Variants in CCM2L observed in about 807,000 individuals in gnomAD.
CCM2L encodes CCM2 like scaffold protein.
A neutral mutation model predicts 54.1 loss-of-function variants in CCM2L; 36 were observed. The observed-to-expected ratio is 0.67, with a 90% CI of 0.51 to 0.88. CCM2L has a LOEUF of 0.88. Among genes scored for constraint, CCM2L ranks in the 40% least tolerant of loss-of-function variants. The pLI, the probability that CCM2L is intolerant of heterozygous loss-of-function variation, is 0.00. For missense variants in CCM2L, 700 were observed against 812.1 expected (o/e 0.86, Z 1.68); for synonymous variants, 351 against 359.3 (o/e 0.98, Z 0.26).
intron 2 of CCM2L, 109 bp downstream of exon 2, chr20:32,015,180 T>TAA (rs944433963): frequency 5.9e-6 from 7 of 1,188,674 alleles, no homozygotes; most frequent in Middle Eastern, 2.3e-4. Context: ...AAGTTGTGGC[T>TAA]CATTGGAAAG....
intron 2 of CCM2L, 91 bp from the exon 3 acceptor site, chr20:32,017,709 C>A: frequency 1.0e-6 from 1 of 982,912 alleles, no homozygotes; most frequent in Non-Finnish European, 1.6e-6. Flanking sequence ...CTATCTCAAT[C>A]TATCCGCACT....
chr20:32,021,561 T>A (rs2122345921), intron 5 of CCM2L, among the ~76,000 whole-genome samples: 1 of 151,908 alleles, frequency 6.6e-6, no homozygotes, highest in South Asian at 2.1e-4. Flanking sequence ...GAGGCTGAGG[T>A]GGGAGGATCA....
At chr20:32,018,332 T>C (rs925842245) in intron 4 of CCM2L, among the ~76,000 whole-genome samples, 170 bp downstream of exon 4, 21 of 151,716 alleles carry the variant, frequency 1.4e-4, no homozygotes, top group African/African-American at 5.1e-4. Flanking sequence ...CATACTACCC[T>C]GAGACTAGGG....
chr20:32,015,621 A>T (rs1299262836), intron 2 of CCM2L, among the ~76,000 whole-genome samples: 3 of 152,218 alleles, frequency 2.0e-5, no homozygotes, highest in African/African-American at 7.2e-5. Context: ...TAAGGTTGTG[A>T]TGGCCTTTGT....
chr20:32,031,377 GACCCTATCCCCAGGGCCCCCCCATC>G lies in CCM2L; in HGVS notation c.*66_*90del. ...CTCTGAGTCTCAGCTTTGCTTCGGG[GACCCTATCCCCAGGGCCCCCCCATC>G]ACACCTGGCGGGGCCGGGGGGTCTT... On this transcript the variant is annotated 3_prime_UTR_variant, in exon 10 of 10. Coordinates refer to ENST00000452892, the MANE Select transcript of CCM2L (RefSeq NM_001365692.1). 1 of 1,201,728 alleles carries G rather than the reference GACCCTATCCCCAGGGCCCCCCCATC, an allele frequency of 8.3e-7. No individual in the cohort carries two copies. The highest frequency in any genetic ancestry group is 1.1e-6 in the Non-Finnish European group (1 of 944,894). The allele number at this position is 1,201,728 out of a possible 1,614,324, so 74.4% of individuals were successfully genotyped here.
At chr20:32,029,928 C>A in intron 9 of CCM2L, 90 bp downstream of exon 9, 1 of 1,382,864 alleles carries the variant, frequency 7.2e-7, no homozygotes, top group South Asian at 1.6e-5. Context: ...AATGTTTTCT[C>A]CTTATCTTTC....
In CCM2L at chr20:32,017,995, C is replaced by G. The variant is rs2064755046; in HGVS notation, c.299C>G (p.Pro100Arg). 6.2e-7 allele frequency: 1 copy of G among 1,613,610 alleles called. No individual in the cohort carries two copies. The highest frequency in any genetic ancestry group is 8.5e-7 in the Non-Finnish European group (1 of 1,179,934). Reference sequence around the variant, plus strand: ...TCCCTGCAGCAGCTGAAGGAGCTGCCGCTGAAGACCACGGCGGAGCAGGAC... The same window carrying G: ...TCCCTGCAGCAGCTGAAGGAGCTGCGGCTGAAGACCACGGCGGAGCAGGAC... ...LDTARQLKEL[P>R]LKTTAEQDSI... The change falls in exon 4 of 10, where the codon CCG becomes CGG. Residue 100 changes from proline (P) to arginine (R), a missense_variant. Coordinates refer to ENST00000452892, the MANE Select transcript of CCM2L (RefSeq NM_001365692.1).
chr20:32,019,291 C>G lies in CCM2L; in HGVS notation c.815C>G (p.Ala272Gly). 2.2e-5 allele frequency: 28 copies of G among 1,274,780 alleles called. No homozygotes were observed. The highest frequency in any genetic ancestry group is 2.7e-5 in the Non-Finnish European group (27 of 1,010,744). 79.0% of individuals were successfully genotyped at this position (1,274,780 alleles called of 1,614,324 possible). A position where few individuals can be genotyped will look rare whatever the true frequency, so the allele number is the denominator to read the frequency against. ...KPGGSWERRQAGSGGGGSWER... is the reference protein window; with the variant it reads ...KPGGSWERRQGGSGGGGSWER... Reference sequence around the variant, plus strand: ...GGCGGTAGCTGGGAGCGGAGGCAGGCGGGCAGCGGCGGGGGAGGCAGCTGG... The same window carrying G: ...GGCGGTAGCTGGGAGCGGAGGCAGGGGGGCAGCGGCGGGGGAGGCAGCTGG... The change falls in exon 5 of 10, where the codon GCG becomes GGG. Residue 272 changes from alanine to glycine, a missense_variant. Ala to Gly is a moderately conservative substitution (Grantham distance 60). Transcript: ENST00000452892.
chr20:32,031,798 A>G lies in CCM2L; in HGVS notation c.*484A>G, dbSNP rs1171999250. 2 of 161,894 alleles carry G rather than the reference A, an allele frequency of 1.2e-5. No homozygotes were observed. The highest frequency in any genetic ancestry group is 4.8e-5 in the African/African-American group (2 of 41,502). The allele number at this position is 161,894 out of a possible 1,614,324, so 10.0% of individuals were successfully genotyped here. On this transcript the variant is annotated 3_prime_UTR_variant, in exon 10 of 10. Transcript: ENST00000452892. The stretch of plus-strand genomic sequence containing the variant: ...GAGGGAATCTCCTGATTCTCCTTAT[A>G]TGACCTCAAACTGACCATACTAAAC...
In CCM2L at chr20:32,031,234, CCCGATGACGACGA is replaced by C; in HGVS notation, c.1638_1650del (p.Asp547ThrfsTer36). 7.7e-7 allele frequency: 1 copy of C among 1,298,952 alleles called. No individual in the cohort carries two copies. Among genetic ancestry groups the C allele is most frequent in the Non-Finnish European group, 1.0e-6 (1 of 988,498 alleles). 80.5% of individuals were successfully genotyped at this position (1,298,952 alleles called of 1,614,324 possible). On this transcript the variant is annotated frameshift_variant, in exon 10 of 10. Transcript: ENST00000452892. LOFTEE classifies it low-confidence loss of function (END_TRUNC). The stretch of plus-strand genomic sequence containing the variant: ...CACGCACGACATCGAGGCGCTGGCC[CCCGATGACGACGA>C]CGACGACGAGGATGAGCCCCGGGGC...
In CCM2L at chr20:32,022,940, TGA is replaced by T. The variant is rs2064819808; in HGVS notation, c.1069+146_1069+147del. 3 of 887,660 alleles carry T rather than the reference TGA, an allele frequency of 3.4e-6. No homozygotes were observed. In the South Asian group the frequency reaches 5.9e-5, roughly 18 times the overall value. The allele number at this position is 887,660 out of a possible 1,614,324, so 55.0% of individuals were successfully genotyped here. The stretch of plus-strand genomic sequence containing the variant: ...TTACAGTGTACCCCACAATTGTAGG[TGA>T]AATGTCAATTTTCTTTTTCTTTTTC... On this transcript the variant is annotated intron_variant, in intron 6 of 9. Transcript: ENST00000452892.
At chr20:32,011,414 G>A (rs987586706) in intron 1 of CCM2L, among the ~76,000 whole-genome samples, 1 of 152,110 alleles carries the variant, frequency 6.6e-6, no homozygotes, top group Non-Finnish European at 1.5e-5. Flanking sequence ...AGACCAGCCA[G>A]GCCAACATGG....
intron 4 of CCM2L, 57 bp downstream of exon 4, chr20:32,018,219 CGGGGGCG>C (rs2064760068): frequency 1.1e-4 from 1 of 9,202 alleles, no homozygotes; most frequent in African/African-American, 7.0e-4. Context: ...GGGGGAGGGG[CGGGGGCG>C]GGGGCGGGGC....
Position 32,014,931 on chromosome 20 carries a change from G to C in CCM2L, c.58G>C (p.Val20Leu), listed in dbSNP as rs771005086. Reference sequence around the variant, plus strand: ...CTTTGTATCCCCCATCCGAAGGCTGGTGTTCCCCAAGGCCGGGCGCCGGGC... The same window carrying C: ...CTTTGTATCCCCCATCCGAAGGCTGCTGTTCCCCAAGGCCGGGCGCCGGGC... The part of the protein sequence containing the change: ...KGFVSPIRRL[V>L]FPKAGRRAAC... The change falls in exon 2 of 10, where the codon GTG becomes CTG. Residue 20 changes from valine to leucine, a missense_variant. Physicochemically the swap from Val to Leu is conservative, Grantham distance 32. Transcript: ENST00000452892. The C allele has an allele frequency of 6.2e-7, 1 of 1,601,008 alleles. No individual in the cohort carries two copies. The highest frequency in any genetic ancestry group is 8.5e-7 in the Non-Finnish European group (1 of 1,173,866).
chr20:32,031,416 C>G lies in CCM2L; in HGVS notation c.*102C>G, dbSNP rs994484157. 2.9e-6 allele frequency: 3 copies of G among 1,018,502 alleles called. No homozygotes were observed. Among genetic ancestry groups the G allele is most frequent in the Non-Finnish European group, 3.8e-6 (3 of 786,166 alleles). 63.1% of individuals were successfully genotyped at this position (1,018,502 alleles called of 1,614,324 possible). On this transcript the variant is annotated 3_prime_UTR_variant, in exon 10 of 10. Transcript: ENST00000452892. The stretch of plus-strand genomic sequence containing the variant: ...GGCCCCCCCATCACACCTGGCGGGG[C>G]CGGGGGGTCTTCACTCCAGGGTCTC...
chr20:32,029,570 A>C, intron 8 of CCM2L, 130 bp from the exon 9 acceptor site: 1 of 1,184,244 alleles, frequency 8.4e-7, no homozygotes, highest in Non-Finnish European at 1.1e-6. Context: ...TGTCCTCTGA[A>C]TAGCCCATGG....
chr20:32,023,418 C>CT (rs2122352277), intron 6 of CCM2L, among the ~76,000 whole-genome samples: 1 of 152,368 alleles, frequency 6.6e-6, no homozygotes, highest in Non-Finnish European at 1.5e-5. Flanking sequence ...GTATTGTCTG[C>CT]TTACTGAGCC....
In CCM2L at chr20:32,031,137, C is replaced by T. The variant is rs1437640520; in HGVS notation, c.1539C>T (p.Ser513=). The T allele has an allele frequency of 4.6e-6, 6 of 1,303,984 alleles. No individual in the cohort carries two copies. The highest frequency in any genetic ancestry group is 2.3e-5 in the Admixed American group (1 of 43,560). 80.8% of individuals were successfully genotyped at this position (1,303,984 alleles called of 1,614,324 possible). A position where few individuals can be genotyped will look rare whatever the true frequency, so the allele number is the denominator to read the frequency against. The change falls in exon 10 of 10, where the codon TCC becomes TCT. Residue 513 remains serine, a synonymous_variant. Coordinates refer to ENST00000452892, the MANE Select transcript of CCM2L (RefSeq NM_001365692.1). ...GCAGCATGAGCTCCACGTCGGCCTCCGCAGTGCGCAGCTACGATGGCGCGG... is the reference window on the plus strand; with the variant it reads ...GCAGCATGAGCTCCACGTCGGCCTCTGCAGTGCGCAGCTACGATGGCGCGG... ...IKRSMSSTSA[S]AVRSYDGAAQ... is the part of the protein sequence containing the mutation.
intron 7 of CCM2L, among the ~76,000 whole-genome samples, chr20:32,026,479 G>A (rs76198916): frequency 0.028 from 4,261 of 152,106 alleles, 87 homozygotes; most frequent in Non-Finnish European, 0.039. Flanking sequence ...AAAGAGTTTT[G>A]CCAGATTCCC....
Sources: gnomAD v4.1 joint callset for allele counts (sites outside exome capture counted in the v4.1 genomes callset) on GRCh38, gnomAD v4.1.1 for gene constraint, MANE v1.5 for transcripts, NCBI Gene and HGNC (gene_info 2026-07-23, HGNC 2026-07-21) for gene names.